Variants in DRD3 observed in about 807,000 individuals in gnomAD.
DRD3 encodes the protein dopamine receptor D3, also known as D(3) dopamine receptor.
In DRD3, 19 loss-of-function variants were observed where a neutral mutation model predicts 36.3. The ratio of observed to expected loss-of-function variants is 0.52; its 90% CI spans 0.36 to 0.77. DRD3 has a LOEUF of 0.77. Among genes scored for constraint, DRD3 ranks in the 30% least tolerant of loss-of-function variants. The pLI is 0.00. For missense variants in DRD3, 465 were observed against 505.3 expected, an observed-to-expected ratio of 0.92 and a Z score of 0.77; for synonymous variants, 195 against 203.7, an observed-to-expected ratio of 0.96 and a Z score of 0.36.
intron 1 of DRD3, among the ~76,000 whole-genome samples, chr3:114,193,741 A>G (rs776619957): frequency 6.6e-6 from 1 of 152,216 alleles, no homozygotes; most frequent in African/African-American, 2.4e-5. Context: ...ATTCCTTCCT[A>G]CATTAAAGAC....
chr3:114,166,345 C>T (rs2077784594), intron 2 of DRD3, among the ~76,000 whole-genome samples: 1 of 152,148 alleles, frequency 6.6e-6, no homozygotes, highest in Non-Finnish European at 1.5e-5. Context: ...TTGTGTCCCC[C>T]AAAAGGCATG....
chr3:114,157,014 C>T (rs2399501), intron 3 of DRD3, among the ~76,000 whole-genome samples: 405 of 136,356 alleles, frequency 3.0e-3, no homozygotes, highest in Middle Eastern at 0.011. Context: ...CTCTCTCTTT[C>T]TTTCTTTCTT....
chr3:114,174,290 G>T (rs1470307333), intron 1 of DRD3, among the ~76,000 whole-genome samples: 1 of 152,024 alleles, frequency 6.6e-6, no homozygotes. Context: ...TCACAACTGG[G>T]CCACTTTGGA....
At chr3:114,190,414 A>G (rs1357138487) in intron 1 of DRD3, among the ~76,000 whole-genome samples, 2 of 3,496 alleles carry the variant, frequency 5.7e-4, no homozygotes, top group African/African-American at 1.7e-3. Flanking sequence ...AAAGGATAAT[A>G]TATATATATA....
intron 1 of DRD3, among the ~76,000 whole-genome samples, chr3:114,193,683 G>A (rs989752432): frequency 6.6e-6 from 1 of 152,104 alleles, no homozygotes; most frequent in Non-Finnish European, 1.5e-5. Flanking sequence ...TTCCCCAAAC[G>A]CTATCTCTCC....
chr3:114,144,461 T>C (rs1259524198), intron 4 of DRD3, among the ~76,000 whole-genome samples: 3 of 152,160 alleles, frequency 2.0e-5, no homozygotes, highest in Admixed American at 6.5e-5. Context: ...AACTTCCTTA[T>C]AGATGAGAGA....
At chr3:114,137,985 G>A (rs1334533164) in intron 5 of DRD3, among the ~76,000 whole-genome samples, 9 of 116,264 alleles carry the variant, frequency 7.7e-5, no homozygotes, top group African/African-American at 1.7e-4. Context: ...GCCACAGAGC[G>A]AGACTCCGTC....
chr3:114,161,072 C>T (rs1347522748), intron 2 of DRD3, among the ~76,000 whole-genome samples: 19 of 152,148 alleles, frequency 1.2e-4, no homozygotes. Flanking sequence ...AAAGGCCACT[C>T]ATGGACCGCG....
In DRD3 at chr3:114,131,266, C is replaced by T. The variant is rs1482791314; in HGVS notation, c.858G>A (p.Leu286=). The change falls in exon 6 of 7, where the codon CTG becomes CTA. Residue 286 remains leucine, a synonymous_variant. Coordinates refer to ENST00000383673, the MANE Select transcript of DRD3 (RefSeq NM_000796.6). ...LKREEKTRNS[L]SPTIAPKLSL... ...TGAGCTTGGGCGCTATGGTGGGACT[C>T]AGGGAATTCCGAGTCTTCTCCTCTC... The T allele has an allele frequency of 1.2e-6, 2 of 1,614,190 alleles. No individual in the cohort carries two copies. Among genetic ancestry groups the T allele is most frequent in the Non-Finnish European group, 1.7e-6 (2 of 1,180,026 alleles).
chr3:114,164,220 C>CAAAAAAAAAAAA lies in DRD3; in HGVS notation c.271-4365_271-4354dup, dbSNP rs34500434. 4.4e-3 allele frequency among the ~76,000 whole-genome samples: 79 copies of CAAAAAAAAAAAA among 17,760 alleles called. 3 individuals are homozygous for CAAAAAAAAAAAA. Among genetic ancestry groups the CAAAAAAAAAAAA allele is most frequent in the Non-Finnish European group, 5.4e-3 (39 of 7,262 alleles). 11.7% of individuals were successfully genotyped at this position (17,760 alleles called of 152,430 possible). A position where few individuals can be genotyped will look rare whatever the true frequency, so the allele number is the denominator to read the frequency against. ...TGGGTGATAGAGCGAGCCTCAGTCT[C>CAAAAAAAAAAAA]AAAAAAAAAAAAAAAAAAAAAAAAA... On this transcript the variant is annotated intron_variant, in intron 2 of 6. Coordinates refer to ENST00000383673, the MANE Select transcript of DRD3 (RefSeq NM_000796.6).
intron 1 of DRD3, among the ~76,000 whole-genome samples, chr3:114,196,983 TTTC>T (rs1303254241): frequency 6.6e-6 from 1 of 150,928 alleles, no homozygotes; most frequent in African/African-American, 2.4e-5. Flanking sequence ...TTTTTCTTTT[TTTC>T]TTTTTTTTTT....
intron 1 of DRD3, among the ~76,000 whole-genome samples, chr3:114,196,529 G>A (rs1024799370): frequency 3.3e-5 from 5 of 152,158 alleles, no homozygotes; most frequent in African/African-American, 1.2e-4. Flanking sequence ...TGGAATGACT[G>A]GGTCCTGTGA....
At position 114,171,882 on chromosome 3, in the gene DRD3, G is replaced by A. The variant is rs201156548; in HGVS notation, c.111C>T (p.Cys37=). The A allele has an allele frequency of 1.1e-5, 18 of 1,613,258 alleles. No homozygotes were observed. The East Asian group carries it at 1.6e-4, about 14-fold the overall frequency. ...CGAAGACGATGGCCAGGATGAGCGC[G>A]CAGTAGGAGAGGGCATAGTAGGCAT... ...RPHAYYALSY[C]ALILAIVFGN... is the part of the protein sequence containing the mutation. The change falls in exon 2 of 7, where the codon TGC becomes TGT. Residue 37 remains cysteine (C), a synonymous_variant. Transcript: ENST00000383673.
rs1031424803 is a variant in DRD3, at chr3:114,129,451, C to G, written c.1007-539G>C. ...TGCTAATGTCTTTCATTCACTTTGG[C>G]CTTTGTTACTAAATCAGTTTTCTAG... On this transcript the variant is annotated intron_variant, in intron 6 of 6. Transcript: ENST00000383673. Among the ~76,000 whole-genome samples, 27 of 152,224 alleles carry G rather than the reference C, an allele frequency of 1.8e-4. No homozygotes were observed. The East Asian group carries it at 4.6e-3, about 26-fold the overall frequency.
intron 2 of DRD3, among the ~76,000 whole-genome samples, chr3:114,165,003 G>A (rs1008414060): frequency 4.6e-5 from 7 of 152,146 alleles, no homozygotes; most frequent in African/African-American, 1.2e-4. Context: ...CACCCACCTC[G>A]GCCTCCCGAA....
chr3:114,164,169 C>T (rs760677109), intron 2 of DRD3, among the ~76,000 whole-genome samples: 67 of 127,838 alleles, frequency 5.2e-4, no homozygotes, highest in African/African-American at 1.8e-4. Context: ...TACAGTGAGC[C>T]GAAATCTCAC....
At chr3:114,144,897 T>C (rs183181490) in intron 4 of DRD3, among the ~76,000 whole-genome samples, 1 of 152,270 alleles carries the variant, frequency 6.6e-6, no homozygotes, top group East Asian at 1.9e-4. Flanking sequence ...TTAAAAATCC[T>C]TTTGGAAAAA....
intron 3 of DRD3, among the ~76,000 whole-genome samples, chr3:114,156,627 T>C (rs1453247797): frequency 6.6e-6 from 1 of 152,086 alleles, no homozygotes; most frequent in Non-Finnish European, 1.5e-5. Flanking sequence ...TTACTCAAAA[T>C]CCCTCAGTGC....
At chr3:114,185,835 A>G (rs1290327498) in intron 1 of DRD3, among the ~76,000 whole-genome samples, 4 of 151,996 alleles carry the variant, frequency 2.6e-5, no homozygotes, top group Non-Finnish European at 5.9e-5. Context: ...ATGCCTGGAA[A>G]ATGTTATTTT....
Sources: allele counts gnomAD v4.1 joint callset (sites outside exome capture counted in the v4.1 genomes callset), GRCh38; gene constraint gnomAD v4.1.1; transcripts MANE v1.5; gene names NCBI Gene and HGNC (gene_info 2026-07-23, HGNC 2026-07-21).